IPCEF1: variants seen among roughly 807,000 people sequenced by gnomAD.
The protein encoded by IPCEF1 is interactor protein for cytohesin exchange factors 1.
In IPCEF1, 31 loss-of-function variants were observed where a neutral mutation model predicts 50.9. The observed-to-expected ratio is 0.61, with a 90% CI of 0.46 to 0.82. The LOEUF is 0.82. Ranked by LOEUF, IPCEF1 falls within the 40% of genes least tolerant of loss-of-function variation. The pLI is 0.00. For synonymous variants in IPCEF1, 181 were observed against 192.0 expected, an observed-to-expected ratio of 0.94 and a Z score of 0.47; for missense variants, 458 against 514.0, an observed-to-expected ratio of 0.89 and a Z score of 1.05.
chr6:154,229,436 G>A (rs1229128192), intron 5 of IPCEF1, among the ~76,000 whole-genome samples: 47 of 141,756 alleles, frequency 3.3e-4, no homozygotes, highest in African/African-American at 1.2e-3. Context: ...TGCAAGCTCC[G>A]CCTCCTGGGT....
chr6:154,252,005 C>T (rs1781348262), intron 3 of IPCEF1, among the ~76,000 whole-genome samples: 1 of 152,124 alleles, frequency 6.6e-6, no homozygotes. Flanking sequence ...AGTAAAGATA[C>T]TGAGTCTGAT....
In IPCEF1 at chr6:154,296,164, A is replaced by G. The variant is rs187857646; in HGVS notation, c.-61-6408T>C. Among the ~76,000 whole-genome samples the G allele has an allele frequency of 6.6e-5, 10 of 152,354 alleles. No homozygotes were observed. In the East Asian group the frequency reaches 9.6e-4, roughly 15 times the overall value. The stretch of plus-strand genomic sequence containing the variant: ...GAGATAGGGAAGAAAGGAACAAAAC[A>G]GGAATGAAGGGAAAGGAGCCCTTTT... On this transcript the variant is annotated intron_variant, in intron 1 of 11. Coordinates refer to ENST00000367220, the MANE Select transcript of IPCEF1 (RefSeq NM_001130700.2).
At chr6:154,176,657 A>G (rs1313719535) in intron 10 of IPCEF1, among the ~76,000 whole-genome samples, 1 of 152,352 alleles carries the variant, frequency 6.6e-6, no homozygotes, top group East Asian at 1.9e-4. Context: ...CCACTGCTCA[A>G]TGAAATAAAA....
At chr6:154,181,246 A>G (rs567464641) in intron 10 of IPCEF1, among the ~76,000 whole-genome samples, 1 of 152,356 alleles carries the variant, frequency 6.6e-6, no homozygotes, top group South Asian at 2.1e-4. Flanking sequence ...ACATTGGCAT[A>G]GTATAATTTG....
At chr6:154,320,290 G>C (rs1195100411) in intron 1 of IPCEF1, among the ~76,000 whole-genome samples, 1 of 152,132 alleles carries the variant, frequency 6.6e-6, no homozygotes. Flanking sequence ...TTTCCAATTT[G>C]TATCTAATTC....
chr6:154,287,029 T>C (rs529100709), intron 2 of IPCEF1, among the ~76,000 whole-genome samples: 1 of 152,282 alleles, frequency 6.6e-6, no homozygotes, highest in African/African-American at 2.4e-5. Context: ...TAAAAGTGTA[T>C]AACAGATTGC....
intron 1 of IPCEF1, among the ~76,000 whole-genome samples, chr6:154,348,268 TAGTTGATTAATCA>T (rs1784068337): frequency 6.6e-6 from 1 of 152,334 alleles, no homozygotes; most frequent in East Asian, 1.9e-4. Flanking sequence ...AAAGCTGCTC[TAGTTGATTAATCA>T]AGTTGAAAAT....
At chr6:154,162,056 C>T (rs1158696865) in intron 11 of IPCEF1, among the ~76,000 whole-genome samples, 1 of 152,192 alleles carries the variant, frequency 6.6e-6, no homozygotes, top group Non-Finnish European at 1.5e-5. Context: ...TCCCAAGTTC[C>T]TATTGCCCAC....
At chr6:154,354,101 C>T (rs1784162856) in intron 1 of IPCEF1, among the ~76,000 whole-genome samples, 1 of 152,202 alleles carries the variant, frequency 6.6e-6, no homozygotes, top group East Asian at 1.9e-4. Context: ...TTAACCCTCA[C>T]ACAACAACCC....
chr6:154,237,845 T>C (rs930268449), intron 5 of IPCEF1, among the ~76,000 whole-genome samples: 2 of 150,332 alleles, frequency 1.3e-5, no homozygotes, highest in African/African-American at 4.9e-5. Flanking sequence ...TTAATATTTA[T>C]ACACATACAT....
In IPCEF1 at chr6:154,212,889, C is replaced by T. The variant is rs772896897; in HGVS notation, c.452-34G>A. 49 of 1,370,506 alleles carry T rather than the reference C, an allele frequency of 3.6e-5. 1 individual carries two copies. The highest frequency in any genetic ancestry group is 2.0e-4 in the South Asian group (17 of 84,954). 84.9% of individuals were successfully genotyped at this position (1,370,506 alleles called of 1,614,324 possible). A position where few individuals can be genotyped will look rare whatever the true frequency, so the allele number is the denominator to read the frequency against. Reference sequence around the variant, plus strand: ...AAAATGAAAATGCTTAATGTTTTAACGCTGTCATCGCTTATTCCATAATGC... The same window carrying T: ...AAAATGAAAATGCTTAATGTTTTAATGCTGTCATCGCTTATTCCATAATGC... On this transcript the variant is annotated intron_variant, in intron 8 of 11. Transcript: ENST00000367220.
At chr6:154,289,880 G>A (rs1038681552) in intron 1 of IPCEF1, 124 bp from the exon 2 acceptor site, 6 of 151,904 alleles carry the variant, frequency 3.9e-5, no homozygotes, top group African/African-American at 7.3e-5. Flanking sequence ...CCAAGAATAA[G>A]CAACAGAACA....
chr6:154,349,357 AATTTTATTTTATTTTATTTT>A (rs150590712), intron 1 of IPCEF1, among the ~76,000 whole-genome samples: 1 of 147,294 alleles, frequency 6.8e-6, no homozygotes, highest in African/African-American at 2.5e-5. Context: ...ACACTTAACT[AATTTTATTTTATTTTATTTT>A]ATTTTATTTT....
intron 1 of IPCEF1, among the ~76,000 whole-genome samples, chr6:154,351,138 GC>G (rs1296896741): frequency 6.6e-6 from 1 of 152,218 alleles, no homozygotes. Context: ...AAGTCTCCTA[GC>G]CTTTTGATCT....
rs139261756 is a variant in IPCEF1 at position 154,159,385 on chromosome 6, C to T, written c.*443G>A. On this transcript the variant is annotated 3_prime_UTR_variant, in exon 12 of 12. Transcript: ENST00000367220. ...CACTGCTCTAGAAAACATTCCTCCA[C>T]TCAAACAGTGATTTGGGCCACACAG... 56 of 175,432 alleles carry T rather than the reference C, an allele frequency of 3.2e-4. No homozygotes were observed. Among genetic ancestry groups the T allele is most frequent in the Admixed American group, 5.1e-4 (8 of 15,600 alleles). The allele number at this position is 175,432 out of a possible 1,614,324, so 10.9% of individuals were successfully genotyped here.
At chr6:154,223,933 A>C (rs1407180269) in intron 5 of IPCEF1, among the ~76,000 whole-genome samples, 1 of 152,248 alleles carries the variant, frequency 6.6e-6, no homozygotes, top group Non-Finnish European at 1.5e-5. Flanking sequence ...AGGACGTAGC[A>C]TAAATGTCAC....
intron 2 of IPCEF1, among the ~76,000 whole-genome samples, chr6:154,284,394 C>G (rs1383667680): frequency 1.3e-5 from 2 of 152,180 alleles, no homozygotes; most frequent in African/African-American, 2.4e-5. Context: ...TGTTAGTGTA[C>G]TCTATGTCTA....
At chr6:154,285,178 C>T (rs1012677697) in intron 2 of IPCEF1, among the ~76,000 whole-genome samples, 15 of 152,108 alleles carry the variant, frequency 9.9e-5, no homozygotes, top group African/African-American at 3.6e-4. Context: ...TAGGTAGTTG[C>T]CTTTTTTAAC....
chr6:154,206,304 T>C (rs745309225), intron 9 of IPCEF1, among the ~76,000 whole-genome samples: 4 of 152,262 alleles, frequency 2.6e-5, no homozygotes, highest in Middle Eastern at 3.2e-3. Flanking sequence ...GAAATCATTC[T>C]TCTCAAAGCC....
Sources: gnomAD v4.1 joint callset for allele counts (sites outside exome capture counted in the v4.1 genomes callset) on GRCh38, gnomAD v4.1.1 for gene constraint, MANE v1.5 for transcripts, NCBI Gene and HGNC (gene_info 2026-07-23, HGNC 2026-07-21) for gene names.